The following BBS5 variants were observed in gnomAD, a reference collection of about 807,000 sequenced individuals.
BBS5 encodes Bardet-Biedl syndrome 5.
A neutral mutation model predicts 50.2 loss-of-function variants in BBS5; 39 were observed. The observed-to-expected ratio is 0.78, with a 90% CI of 0.60 to 1.01. BBS5 has a LOEUF of 1.01. BBS5 is among the 50% of genes least tolerant of loss of function. The pLI, the probability that BBS5 is intolerant of heterozygous loss-of-function variation, is 0.00. For synonymous variants in BBS5, 134 were observed against 133.1 expected (o/e 1.01, Z -0.05); for missense variants, 356 against 401.5 (o/e 0.89, Z 0.97).
intron 1 of BBS5, among the ~76,000 whole-genome samples, chr2:169,481,878 T>A (rs1308615344): frequency 6.6e-6 from 1 of 152,222 alleles, no homozygotes; most frequent in Non-Finnish European, 1.5e-5. Context: ...CCTCCTTAGT[T>A]ATCCAACAAT....
intron 2 of BBS5, 93 bp downstream of exon 2, chr2:169,482,426 G>T (rs1574334717): frequency 6.8e-6 from 6 of 886,014 alleles, no homozygotes; most frequent in South Asian, 5.3e-5. Context: ...AGCATCATTT[G>T]TCAGTGTAAT....
chr2:169,498,784 C>G lies in BBS5; in HGVS notation c.682-702C>G, dbSNP rs574946790. On this transcript the variant is annotated intron_variant, in intron 8 of 11. Transcript: ENST00000295240. ...ATCGCGCCGCTGCACTCCAGCCTGG[C>G]CGACAGAGCGAGACTCTGTCTCAAA... is the stretch of plus-strand genomic sequence containing the variant. 4.8e-3 allele frequency among the ~76,000 whole-genome samples: 708 copies of G among 148,312 alleles called. 5 individuals are homozygous for G. Among genetic ancestry groups the G allele is most frequent in the African/African-American group, 0.016 (628 of 40,024 alleles).
At chr2:169,499,395 A>T in intron 8 of BBS5, 91 bp from the exon 9 acceptor site, 1 of 1,348,464 alleles carries the variant, frequency 7.4e-7, no homozygotes, top group Non-Finnish European at 1.0e-6. Flanking sequence ...ATGCTCTAAA[A>T]TAAGGACAAA....
Position 169,504,935 on chromosome 2 carries a change from G to T in BBS5, c.*353G>T. On this transcript the variant is annotated 3_prime_UTR_variant, in exon 12 of 12. Transcript: ENST00000295240. Reference sequence around the variant, plus strand: ...GGACGTTGCGGCCCAGTGGGTGGAGGTCCAAAGAGGACTGGTGATCTACGT... The same window carrying T: ...GGACGTTGCGGCCCAGTGGGTGGAGTTCCAAAGAGGACTGGTGATCTACGT... The T allele has an allele frequency of 6.2e-7, 1 of 1,613,796 alleles. No individual in the cohort carries two copies. The highest frequency in any genetic ancestry group is 1.1e-5 in the South Asian group (1 of 91,090).
In BBS5 at chr2:169,505,032, T is replaced by A. The variant is rs979351126; in HGVS notation, c.*450T>A. 2 of 1,558,888 alleles carry A rather than the reference T, an allele frequency of 1.3e-6. No individual in the cohort carries two copies. Among genetic ancestry groups the A allele is most frequent in the Non-Finnish European group, 1.8e-6 (2 of 1,137,162 alleles). ...GAAGCTGGACTGTACTGCTGCCATCTCTGGCTCACTGCAACCTCCCTGCCT... is the reference window on the plus strand; with the variant it reads ...GAAGCTGGACTGTACTGCTGCCATCACTGGCTCACTGCAACCTCCCTGCCT... On this transcript the variant is annotated 3_prime_UTR_variant, in exon 12 of 12. Coordinates refer to ENST00000295240, the MANE Select transcript of BBS5 (RefSeq NM_152384.3).
chr2:169,480,875 T>G (rs1683379457), intron 1 of BBS5, among the ~76,000 whole-genome samples: 1 of 152,028 alleles, frequency 6.6e-6, no homozygotes, highest in Non-Finnish European at 1.5e-5. Context: ...GAGACGGGGT[T>G]TCTCCATGTT....
At chr2:169,491,578 G>A (rs1043798964) in intron 5 of BBS5, among the ~76,000 whole-genome samples, 1 of 152,098 alleles carries the variant, frequency 6.6e-6, no homozygotes, top group South Asian at 2.1e-4. Flanking sequence ...CAGGGTTTCT[G>A]TATTATCAAT....
At chr2:169,499,664 C>T (rs1315359755) in intron 9 of BBS5, 44 bp downstream of exon 9, 9 of 1,589,576 alleles carry the variant, frequency 5.7e-6, no homozygotes, top group Non-Finnish European at 6.9e-6. Context: ...TTGCTTTATG[C>T]AGTCTATAAA....
At chr2:169,490,298 A>G (rs970778482) in intron 5 of BBS5, among the ~76,000 whole-genome samples, 29 of 139,066 alleles carry the variant, frequency 2.1e-4, no homozygotes, top group African/African-American at 6.0e-4. Flanking sequence ...GGTTCACGCC[A>G]TTCTCCTGCC....
At chr2:169,488,208 G>GT in intron 5 of BBS5, 94 bp downstream of exon 5, 2 of 1,256,032 alleles carry the variant, frequency 1.6e-6, no homozygotes, top group Non-Finnish European at 2.3e-6. Flanking sequence ...CCAGGGACCA[G>GT]TTTCATGGAA....
At chr2:169,501,056 A>G (rs560198731) in intron 9 of BBS5, among the ~76,000 whole-genome samples, 11 of 152,302 alleles carry the variant, frequency 7.2e-5, no homozygotes, top group African/African-American at 2.6e-4. Context: ...TTTCAGATTT[A>G]TCTTAGTAAT....
chr2:169,479,704 A>C, intron 1 of BBS5, 92 bp downstream of exon 1: 1 of 1,391,038 alleles, frequency 7.2e-7, no homozygotes, highest in South Asian at 1.2e-5. Flanking sequence ...GCACCTCCGC[A>C]GCTCGCGGCC....
chr2:169,503,879 G>A (rs1683853786), intron 10 of BBS5, among the ~76,000 whole-genome samples: 1 of 152,158 alleles, frequency 6.6e-6, no homozygotes, highest in Admixed American at 6.5e-5. Context: ...GCCTCAAACT[G>A]TATGCATCTG....
At chr2:169,497,783 C>A in intron 8 of BBS5, 94 bp downstream of exon 8, 1 of 804,782 alleles carries the variant, frequency 1.2e-6, no homozygotes, top group Non-Finnish European at 2.1e-6. Flanking sequence ...CAGTTTACAT[C>A]TGAGAAGAAT....
chr2:169,497,737 G>C lies in BBS5; in HGVS notation c.681+48G>C, dbSNP rs754192069. 1.7e-5 allele frequency: 22 copies of C among 1,275,418 alleles called. No individual in the cohort carries two copies. The South Asian group carries it at 2.7e-4, about 16-fold the overall frequency. The allele number at this position is 1,275,418 out of a possible 1,614,324, so 79.0% of individuals were successfully genotyped here. ...TAATCTTTGATTTTTAAAACTATGT[G>C]ACAGTCTAGATTTTTGGTTTTATTT... is the stretch of plus-strand genomic sequence containing the variant. On this transcript the variant is annotated intron_variant, in intron 8 of 11. Coordinates refer to ENST00000295240, the MANE Select transcript of BBS5 (RefSeq NM_152384.3).
chr2:169,504,745 A>T lies in BBS5; in HGVS notation c.*163A>T. 7.7e-7 allele frequency: 1 copy of T among 1,290,914 alleles called. No individual in the cohort carries two copies. Among genetic ancestry groups the T allele is most frequent in the Non-Finnish European group, 1.1e-6 (1 of 926,080 alleles). 80.0% of individuals were successfully genotyped at this position (1,290,914 alleles called of 1,614,324 possible). ...AGGAAAAAGTCATTTAGAAAACTTC[A>T]GTTTTCGGCCAGCGCGTCGAGGGAG... On this transcript the variant is annotated 3_prime_UTR_variant, in exon 12 of 12. Coordinates refer to ENST00000295240, the MANE Select transcript of BBS5 (RefSeq NM_152384.3).
At position 169,503,117 on chromosome 2, in the gene BBS5, C is replaced by T. The variant is rs1683839253; in HGVS notation, c.839C>T (p.Thr280Ile). ...CAGCCCCAGCCGCTCGAAGCTCTGACAGTCGAACAAATTCAAGATGATGTA... is the reference window on the plus strand; with the variant it reads ...CAGCCCCAGCCGCTCGAAGCTCTGATAGTCGAACAAATTCAAGATGATGTA... ...EEKPQPLEALTVEQIQDDVEI... is the reference protein window; with the variant it reads ...EEKPQPLEALIVEQIQDDVEI... Residue 280 changes from threonine (T) to isoleucine (I), a missense_variant, in exon 10 of 12, where the codon ACA becomes ATA. Thr to Ile is a moderately conservative substitution (Grantham distance 89). Transcript: ENST00000295240. The T allele has an allele frequency of 6.2e-7, 1 of 1,613,932 alleles. No homozygotes were observed. Among genetic ancestry groups the T allele is most frequent in the Non-Finnish European group, 8.5e-7 (1 of 1,179,858 alleles).
In BBS5 at chr2:169,504,965, T is replaced by A. The variant is rs1677276309; in HGVS notation, c.*383T>A. 1 of 1,613,282 alleles carries A rather than the reference T, an allele frequency of 6.2e-7. No homozygotes were observed. The highest frequency in any genetic ancestry group is 1.7e-5 in the Admixed American group (1 of 60,028). ...AAGAGGACTGGTGATCTACGTGTGCTTTTTCAAGGGAGCTGATAAAGAACT... is the reference window on the plus strand; with the variant it reads ...AAGAGGACTGGTGATCTACGTGTGCATTTTCAAGGGAGCTGATAAAGAACT... On this transcript the variant is annotated 3_prime_UTR_variant, in exon 12 of 12. Coordinates refer to ENST00000295240, the MANE Select transcript of BBS5 (RefSeq NM_152384.3).
intron 1 of BBS5, among the ~76,000 whole-genome samples, 181 bp downstream of exon 1, chr2:169,479,793 G>C (rs1016572566): frequency 2.0e-5 from 3 of 152,218 alleles, no homozygotes; most frequent in Non-Finnish European, 2.9e-5. Flanking sequence ...TGGCCCTCTC[G>C]AGGCCGGCGC....
Sources: allele counts gnomAD v4.1 joint callset (sites outside exome capture counted in the v4.1 genomes callset), GRCh38; gene constraint gnomAD v4.1.1; transcripts MANE v1.5; gene names NCBI Gene and HGNC (gene_info 2026-07-23, HGNC 2026-07-21).